The following THSD7B variants were observed in gnomAD, a reference collection of about 807,000 sequenced individuals.
THSD7B encodes thrombospondin type-1 domain-containing protein 7B.
Under a neutral mutation model 213.6 loss-of-function variants are expected in THSD7B, and 138 were observed. That is an observed-to-expected ratio of 0.65 (90% CI 0.56 to 0.74). The LOEUF is 0.74. THSD7B is among the 30% of genes least tolerant of loss of function. The probability of loss-of-function intolerance (pLI) is 0.00; values close to 1 mark genes in which losing one functional copy is unlikely to be tolerated. For synonymous variants in THSD7B, 742 were observed against 687.0 expected, an observed-to-expected ratio of 1.08 and a Z score of -1.25; for missense variants, 1,931 against 1,991.5, an observed-to-expected ratio of 0.97 and a Z score of 0.58.
chr2:137,627,884 G>A (rs1682661537), intron 20 of THSD7B, among the ~76,000 whole-genome samples: 1 of 152,218 alleles, frequency 6.6e-6, no homozygotes, highest in African/African-American at 2.4e-5. Context: ...CCAATAGTTT[G>A]TCAATTGTTT....
At chr2:137,275,838 T>G (rs1455159035) in intron 11 of THSD7B, 85 bp from the exon 12 acceptor site, 1 of 1,042,480 alleles carries the variant, frequency 9.6e-7, no homozygotes, top group Non-Finnish European at 1.4e-6. Flanking sequence ...GTCTTTACTT[T>G]TTTTAAACTT....
intron 12 of THSD7B, among the ~76,000 whole-genome samples, chr2:137,380,257 G>GAAAA (rs35787240): frequency 6.9e-6 from 1 of 145,708 alleles, no homozygotes. Flanking sequence ...ACAAAAAATA[G>GAAAA]AAAAAAAAAA....
At chr2:136,917,430 C>G (rs1015339206) in intron 2 of THSD7B, among the ~76,000 whole-genome samples, 3 of 152,150 alleles carry the variant, frequency 2.0e-5, no homozygotes, top group Non-Finnish European at 4.4e-5. Flanking sequence ...AAAGCCAGCT[C>G]TTGTCTAATT....
chr2:137,343,189 G>T (rs1367172688), intron 12 of THSD7B, among the ~76,000 whole-genome samples: 1 of 148,082 alleles, frequency 6.8e-6, no homozygotes, highest in Non-Finnish European at 1.5e-5. Context: ...TGTTTTGATT[G>T]ACTTTTTTGC....
At chr2:137,285,986 C>T (rs1277644022) in intron 12 of THSD7B, among the ~76,000 whole-genome samples, 3 of 151,500 alleles carry the variant, frequency 2.0e-5, no homozygotes, top group African/African-American at 7.3e-5. Flanking sequence ...TGCCGGTAAT[C>T]CCAACTACTC....
At position 137,581,612 on chromosome 2, in the gene THSD7B, C is replaced by T. The variant is rs111978614; in HGVS notation, c.3423+9056C>T. Among the ~76,000 whole-genome samples the T allele has an allele frequency of 1.6e-4, 25 of 151,646 alleles. 1 individual carries two copies. Among genetic ancestry groups the T allele is most frequent in the Middle Eastern group, 3.4e-3 (1 of 294 alleles). ...CAGCCTGGGCAACACAGAGAGACTCCGTTTCAAAAATAATAATTATAAAAA... is the reference window on the plus strand; with the variant it reads ...CAGCCTGGGCAACACAGAGAGACTCTGTTTCAAAAATAATAATTATAAAAA... On this transcript the variant is annotated intron_variant, in intron 17 of 27. Transcript: ENST00000409968.
At chr2:137,251,619 G>T (rs1436106361) in intron 10 of THSD7B, among the ~76,000 whole-genome samples, 1 of 152,188 alleles carries the variant, frequency 6.6e-6, no homozygotes, top group Non-Finnish European at 1.5e-5. Flanking sequence ...TTGTGGTCAT[G>T]TGCAATCTTT....
chr2:137,295,433 C>T (rs182205021), intron 12 of THSD7B, among the ~76,000 whole-genome samples: 159 of 152,154 alleles, frequency 1.0e-3, no homozygotes, highest in African/African-American at 3.7e-3. Context: ...AGACAAAATA[C>T]CAGTCTTACA....
intron 7 of THSD7B, among the ~76,000 whole-genome samples, chr2:137,183,219 T>G (rs935795145): frequency 6.6e-6 from 1 of 152,154 alleles, no homozygotes; most frequent in African/African-American, 2.4e-5. Flanking sequence ...ATTGAAGAGT[T>G]GAGGAAACAG....
chr2:137,526,924 G>A (rs1328695325), intron 15 of THSD7B, among the ~76,000 whole-genome samples: 1 of 152,078 alleles, frequency 6.6e-6, no homozygotes, highest in Non-Finnish European at 1.5e-5. Context: ...TATCACCAAA[G>A]AGGAAAATCC....
intron 10 of THSD7B, among the ~76,000 whole-genome samples, chr2:137,257,009 A>C (rs1257879674): frequency 6.6e-6 from 1 of 152,138 alleles, no homozygotes; most frequent in Non-Finnish European, 1.5e-5. Context: ...ACAGGGCATC[A>C]CATGGTGAAG....
chr2:136,797,319 C>A (rs576315841), intron 1 of THSD7B, among the ~76,000 whole-genome samples: 1 of 152,066 alleles, frequency 6.6e-6, no homozygotes, highest in South Asian at 2.1e-4. Flanking sequence ...CTCTGAAGGC[C>A]ATGAGTCACT....
intron 12 of THSD7B, among the ~76,000 whole-genome samples, chr2:137,330,484 G>T (rs2375461): frequency 6.6e-6 from 1 of 152,072 alleles, no homozygotes; most frequent in Non-Finnish European, 1.5e-5. Context: ...AAGGTGGCAC[G>T]TCTGGAGTTT....
At chr2:137,210,074 G>A (rs1681067358) in intron 7 of THSD7B, among the ~76,000 whole-genome samples, 1 of 152,116 alleles carries the variant, frequency 6.6e-6, no homozygotes, top group Non-Finnish European at 1.5e-5. Context: ...GACCAACCCT[G>A]TGAAGACTGA....
At chr2:137,461,591 TC>T (rs1222970642) in intron 15 of THSD7B, among the ~76,000 whole-genome samples, 1 of 152,038 alleles carries the variant, frequency 6.6e-6, no homozygotes, top group Non-Finnish European at 1.5e-5. Context: ...CCTTCCCTCC[TC>T]CCCTCCTCTT....
At chr2:137,013,599 T>C (rs1188094773) in intron 2 of THSD7B, among the ~76,000 whole-genome samples, 1 of 152,210 alleles carries the variant, frequency 6.6e-6, no homozygotes, top group Non-Finnish European at 1.5e-5. Flanking sequence ...TTTTCTGTAC[T>C]AGCTATTCTA....
chr2:137,323,749 C>T (rs1684311308), intron 12 of THSD7B, among the ~76,000 whole-genome samples: 4 of 152,116 alleles, frequency 2.6e-5, no homozygotes, highest in Admixed American at 2.6e-4. Context: ...CAACAAAAAA[C>T]TAGGGTGAAC....
At chr2:136,916,377 G>A (rs933199038) in intron 2 of THSD7B, among the ~76,000 whole-genome samples, 2 of 152,158 alleles carry the variant, frequency 1.3e-5, no homozygotes, top group Non-Finnish European at 2.9e-5. Flanking sequence ...AAAAATAATG[G>A]CATTCCTGGA....
chr2:137,315,049 C>G (rs1406381224), intron 12 of THSD7B, among the ~76,000 whole-genome samples: 1 of 152,204 alleles, frequency 6.6e-6, no homozygotes, highest in Non-Finnish European at 1.5e-5. Flanking sequence ...TTCGAGCTTC[C>G]CAGCTGCTTT....
Sources: gnomAD v4.1 joint callset for allele counts (sites outside exome capture counted in the v4.1 genomes callset) on GRCh38, gnomAD v4.1.1 for gene constraint, MANE v1.5 for transcripts, NCBI Gene and HGNC (gene_info 2026-07-23, HGNC 2026-07-21) for gene names.